Variants in MCMDC2 observed in about 807,000 individuals in gnomAD.
The protein encoded by MCMDC2 is minichromosome maintenance domain-containing protein 2.
A neutral mutation model predicts 75.8 loss-of-function variants in MCMDC2; 54 were observed. The ratio of observed to expected loss-of-function variants is 0.71; its 90% CI spans 0.57 to 0.89. The LOEUF (loss-of-function observed/expected upper bound fraction) is 0.89, where lower values mean the gene tolerates loss of function less well. MCMDC2 is among the 40% of genes least tolerant of loss of function. The pLI is 0.00. For synonymous variants in MCMDC2, 249 were observed against 274.6 expected (o/e 0.91, Z 0.92); for missense variants, 656 against 780.4 (o/e 0.84, Z 1.90).
chr8:66,915,332 A>T (rs987559216), intron 14 of MCMDC2, among the ~76,000 whole-genome samples: 1 of 151,786 alleles, frequency 6.6e-6, no homozygotes, highest in Non-Finnish European at 1.5e-5. Context: ...CGCGTCTGTA[A>T]TCCCAACTAC....
intron 4 of MCMDC2, 139 bp downstream of exon 4, chr8:66,874,725 C>T: frequency 2.8e-6 from 2 of 716,226 alleles, no homozygotes; most frequent in Non-Finnish European, 4.6e-6. Flanking sequence ...CTTACATAGG[C>T]ATCTTTATTT....
At chr8:66,875,117 T>C (rs1158267755) in intron 4 of MCMDC2, among the ~76,000 whole-genome samples, 1 of 152,142 alleles carries the variant, frequency 6.6e-6, no homozygotes, top group Non-Finnish European at 1.5e-5. Context: ...AATAATACAG[T>C]GAACCTTCAT....
At chr8:66,897,986 T>TAAA (rs1812439493) in intron 12 of MCMDC2, among the ~76,000 whole-genome samples, 1 of 152,042 alleles carries the variant, frequency 6.6e-6, no homozygotes, top group Admixed American at 6.6e-5. Flanking sequence ...ACTGCATGAG[T>TAAA]AAAAGGTTGA....
At chr8:66,879,619 G>T (rs190388329) in intron 7 of MCMDC2, among the ~76,000 whole-genome samples, 135 of 152,188 alleles carry the variant, frequency 8.9e-4, no homozygotes, top group African/African-American at 3.0e-3. Flanking sequence ...CAATTGACTT[G>T]TTTATGCTTA....
intron 9 of MCMDC2, among the ~76,000 whole-genome samples, chr8:66,886,774 C>G (rs953854664): frequency 9.5e-6 from 1 of 105,248 alleles, no homozygotes; most frequent in African/African-American, 3.7e-5. Flanking sequence ...GACTCAGTCT[C>G]AAAAAAAAAA....
chr8:66,916,525 G>A (rs1813330471), intron 14 of MCMDC2, among the ~76,000 whole-genome samples: 1 of 152,214 alleles, frequency 6.6e-6, no homozygotes, highest in African/African-American at 2.4e-5. Context: ...TGCCAGTTGT[G>A]TGATTTTCTG....
intron 9 of MCMDC2, among the ~76,000 whole-genome samples, chr8:66,889,397 A>G (rs1406465046): frequency 6.6e-6 from 1 of 152,100 alleles, no homozygotes; most frequent in Non-Finnish European, 1.5e-5. Context: ...TGGGAGACTG[A>G]GCAGGCAGGA....
downstream of MCMDC2, chr8:66,925,391 AC>A (rs1250335981): frequency 6.6e-6 from 1 of 152,320 alleles, no homozygotes; most frequent in Non-Finnish European, 1.5e-5. Context: ...TGGCGGAGGA[AC>A]CCGGCACGTA....
At chr8:66,884,922 G>T (rs576670408) in intron 9 of MCMDC2, among the ~76,000 whole-genome samples, 1 of 152,070 alleles carries the variant, frequency 6.6e-6, no homozygotes, top group African/African-American at 2.4e-5. Context: ...GACTAGAGGC[G>T]CACGCCACTA....
chr8:66,910,030 A>C (rs1333500952), intron 14 of MCMDC2, among the ~76,000 whole-genome samples: 2 of 152,226 alleles, frequency 1.3e-5, no homozygotes, highest in Non-Finnish European at 2.9e-5. Context: ...GTTGCTTCAG[A>C]GGGTACAAGC....
Position 66,890,921 on chromosome 8 carries a change from C to G in MCMDC2, c.1130C>G (p.Thr377Ser), listed in dbSNP as rs1307929570. The change falls in exon 10 of 15, where the codon ACT (threonine) becomes AGT (serine). Residue 377 changes from threonine (T) to serine (S), a missense_variant. Transcript: ENST00000422365. ...CGTGGTATACGTCATCTAGTCTCTA[C>G]TGAAATTTTTCCCACTCTATCCAGG... ...VPRGIRHLVS[T>S]EIFPTLSRNK... is the part of the protein sequence containing the mutation. 5.0e-6 allele frequency: 8 copies of G among 1,613,630 alleles called. No individual in the cohort carries two copies. Among genetic ancestry groups the G allele is most frequent in the African/African-American group, 2.7e-5 (2 of 74,872 alleles).
In MCMDC2 at chr8:66,891,086, T is replaced by A. The variant is rs2195702; in HGVS notation, c.1279+16T>A. On this transcript the variant is annotated intron_variant, in intron 10 of 14. Coordinates refer to ENST00000422365, the MANE Select transcript of MCMDC2 (RefSeq NM_173518.5). ...CTTCAAACAGGTAAACAATATTTTT[T>A]AAATTAATTTTCACCCGTTTAACCT... 355 of 1,581,372 alleles carry A rather than the reference T, an allele frequency of 2.2e-4. 3 individuals are homozygous for A. In the African/African-American group the frequency reaches 4.4e-3, roughly 19 times the overall value.
chr8:66,921,616 T>G lies in MCMDC2; in HGVS notation c.*2447T>G, dbSNP rs1025081487. ...CATAGCATATTGCTTAGTTATTACA[T>G]GTACTAGTATTAGGATGACTTTTTT... On this transcript the variant is annotated 3_prime_UTR_variant, in exon 15 of 15. Coordinates refer to ENST00000422365, the MANE Select transcript of MCMDC2 (RefSeq NM_173518.5). The G allele has an allele frequency of 6.6e-6, 1 of 152,232 alleles. No individual in the cohort carries two copies. The highest frequency in any genetic ancestry group is 6.5e-5 in the Admixed American group (1 of 15,292). 9.4% of individuals were successfully genotyped at this position (152,232 alleles called of 1,614,324 possible).
In MCMDC2 at chr8:66,870,791, C is replaced by G. The variant is rs1435880041; in HGVS notation, c.-129C>G. ...GCGCTAGGACTCCGCTCCGCCTACG[C>G]TGCAGGCGGAGAGCAACCGCCAAGC... On this transcript the variant is annotated 5_prime_UTR_variant, in exon 1 of 15. Coordinates refer to ENST00000422365, the MANE Select transcript of MCMDC2 (RefSeq NM_173518.5). The G allele has an allele frequency of 1.3e-5, 2 of 152,274 alleles. No individual in the cohort carries two copies. Among genetic ancestry groups the G allele is most frequent in the African/African-American group, 4.8e-5 (2 of 41,470 alleles). 9.4% of individuals were successfully genotyped at this position (152,274 alleles called of 1,614,324 possible).
At chr8:66,872,476 G>T (rs1811068538) in intron 1 of MCMDC2, among the ~76,000 whole-genome samples, 1 of 152,118 alleles carries the variant, frequency 6.6e-6, no homozygotes, top group Non-Finnish European at 1.5e-5. Flanking sequence ...CATATATGTT[G>T]TTCCTTTCAT....
chr8:66,889,798 G>A (rs1812014683), intron 9 of MCMDC2, among the ~76,000 whole-genome samples: 1 of 152,110 alleles, frequency 6.6e-6, no homozygotes, highest in African/African-American at 2.4e-5. Context: ...GCGGTGAGCT[G>A]AGATCACGCC....
intron 12 of MCMDC2, among the ~76,000 whole-genome samples, chr8:66,897,300 G>C (rs1191947731): frequency 6.6e-6 from 1 of 151,744 alleles, no homozygotes; most frequent in Non-Finnish European, 1.5e-5. Context: ...CCAGCTACTC[G>C]GGAGGCTGAG....
Position 66,920,502 on chromosome 8 carries a change from T to C in MCMDC2, c.*1333T>C, listed in dbSNP as rs908289951. The C allele has an allele frequency of 6.6e-6, 1 of 152,250 alleles. No individual in the cohort carries two copies. Among genetic ancestry groups the C allele is most frequent in the Non-Finnish European group, 1.5e-5 (1 of 68,058 alleles). The allele number at this position is 152,250 out of a possible 1,614,324, so 9.4% of individuals were successfully genotyped here. ...TCCCAAAGTGCTAAGACAACAGGTATGAGCCAACACGACTGGCGACTGTAG... is the reference window on the plus strand; with the variant it reads ...TCCCAAAGTGCTAAGACAACAGGTACGAGCCAACACGACTGGCGACTGTAG... On this transcript the variant is annotated 3_prime_UTR_variant, in exon 15 of 15. Transcript: ENST00000422365.
In MCMDC2 at chr8:66,896,934, A is replaced by T. The variant is rs746546218; in HGVS notation, c.1601A>T (p.Gln534Leu). 1 of 1,605,218 alleles carries T rather than the reference A, an allele frequency of 6.2e-7. No individual in the cohort carries two copies. Among genetic ancestry groups the T allele is most frequent in the Non-Finnish European group, 8.5e-7 (1 of 1,176,472 alleles). Residue 534 changes from glutamine to leucine, a missense_variant, in exon 12 of 15, where the codon CAG (glutamine) becomes CTG (leucine). Coordinates refer to ENST00000422365, the MANE Select transcript of MCMDC2 (RefSeq NM_173518.5). ...GGGCTGTTTTATGCGGCTTCTAGAC[A>T]GTTCACAACTGAAGATTTTGAAAAG... is the stretch of plus-strand genomic sequence containing the variant. ...PEGLFYAASR[Q>L]FTTEDFEKLL...
Sources: gnomAD v4.1 joint callset for allele counts (sites outside exome capture counted in the v4.1 genomes callset) on GRCh38, gnomAD v4.1.1 for gene constraint, MANE v1.5 for transcripts, NCBI Gene and HGNC (gene_info 2026-07-23, HGNC 2026-07-21) for gene names.